PDHX: variants seen among roughly 807,000 people sequenced by gnomAD.
PDHX encodes the protein pyruvate dehydrogenase protein X component, mitochondrial.
PDHX carries 33 observed loss-of-function variants against 55.3 expected under a neutral mutation model. The ratio of observed to expected loss-of-function variants is 0.60; its 90% confidence interval spans 0.45 to 0.80. The LOEUF is 0.80. Among genes scored for constraint, PDHX ranks in the 30% least tolerant of loss-of-function variants. The probability of loss-of-function intolerance (pLI) is 0.00; values close to 1 mark genes in which losing one functional copy is unlikely to be tolerated. For synonymous variants in PDHX, 226 were observed against 219.4 expected, an observed-to-expected ratio of 1.03 and a Z score of -0.27; for missense variants, 622 against 619.9, an observed-to-expected ratio of 1.00 and a Z score of -0.04.
intron 3 of PDHX, among the ~76,000 whole-genome samples, chr11:34,951,351 G>A (rs992880718): frequency 6.6e-6 from 1 of 152,032 alleles, no homozygotes; most frequent in Admixed American, 6.5e-5. Flanking sequence ...GAGCCACCGC[G>A]CCCGGCCTGT....
rs80254215 is a variant in PDHX at position 34,988,985 on chromosome 11, A to C, written c.1183-3330A>C. Among the ~76,000 whole-genome samples the C allele has an allele frequency of 3.3e-3, 508 of 152,348 alleles. 4 individuals carry two copies. The highest frequency in any genetic ancestry group is 0.012 in the African/African-American group (490 of 41,578). ...ATGAGTAGGAAAAAATAGTACAGTC[A>C]TGCATCACAGCAGGGATACATTCTG... On this transcript the variant is annotated intron_variant, in intron 9 of 10. Coordinates refer to ENST00000227868, the MANE Select transcript of PDHX (RefSeq NM_003477.3).
rs1855817773 is a variant in PDHX at position 34,994,468 on chromosome 11, T to G, written c.1248-446T>G. 3.3e-5 allele frequency among the ~76,000 whole-genome samples: 5 copies of G among 152,314 alleles called. No homozygotes were observed. In the South Asian group the frequency reaches 6.2e-4, roughly 19 times the overall value. On this transcript the variant is annotated intron_variant, in intron 10 of 10. Transcript: ENST00000227868. ...TGCTTAGGACATCACTATACACTACTGTAGACTTTATAAACACTGCACACT... is the reference window on the plus strand; with the variant it reads ...TGCTTAGGACATCACTATACACTACGGTAGACTTTATAAACACTGCACACT...
chr11:34,916,430 G>T, upstream of PDHX: 1 of 1,487,674 alleles, frequency 6.7e-7, no homozygotes, highest in Non-Finnish European at 8.9e-7. Context: ...CGGGGGCCGG[G>T]GTCTGGTAAG....
intron 1 of PDHX, among the ~76,000 whole-genome samples, chr11:34,921,028 C>T (rs745345924): frequency 6.6e-5 from 10 of 152,150 alleles, no homozygotes; most frequent in Non-Finnish European, 1.2e-4. Context: ...TGCCAAAACA[C>T]GGATACTCTT....
At chr11:34,944,245 G>A (rs1333688766) in intron 2 of PDHX, among the ~76,000 whole-genome samples, 1 of 151,784 alleles carries the variant, frequency 6.6e-6, no homozygotes, top group Non-Finnish European at 1.5e-5. Flanking sequence ...TCAACCTCCC[G>A]AGTAGCTGGG....
chr11:34,935,115 G>T (rs1854278777), intron 2 of PDHX, among the ~76,000 whole-genome samples: 1 of 151,938 alleles, frequency 6.6e-6, no homozygotes, highest in South Asian at 2.1e-4. Context: ...AAAGGTATAT[G>T]TGGCTTCATT....
intron 3 of PDHX, among the ~76,000 whole-genome samples, chr11:34,948,949 C>A (rs1016579348): frequency 3.9e-5 from 6 of 152,140 alleles, no homozygotes; most frequent in Non-Finnish European, 8.8e-5. Flanking sequence ...TAGCATTTTT[C>A]CACTTAGCTG....
At position 34,916,672 on chromosome 11, in the gene PDHX, G is replaced by T; in HGVS notation, c.17G>T (p.Arg6Met). 1.9e-6 allele frequency: 3 copies of T among 1,610,868 alleles called. No homozygotes were observed. The highest frequency in any genetic ancestry group is 2.5e-6 in the Non-Finnish European group (3 of 1,180,002). The change falls in exon 1 of 11, where the codon AGG becomes ATG. Residue 6 changes from arginine (R) to methionine (M), a missense_variant. Arg to Met is a moderately conservative substitution (Grantham distance 91). Transcript: ENST00000227868. The part of the protein sequence containing the change: MAASW[R>M]LGCDPRLLRY... ...GCCGTCAAGATGGCGGCCTCCTGGA[G>T]GCTGGGCTGTGATCCGCGGCTGCTG...
chr11:34,930,882 T>A (rs1261075161), intron 1 of PDHX, among the ~76,000 whole-genome samples: 1 of 152,230 alleles, frequency 6.6e-6, no homozygotes. Context: ...TAGGAACCTT[T>A]GAATCTTGAA....
At chr11:34,948,175 A>G (rs76490921) in intron 3 of PDHX, among the ~76,000 whole-genome samples, 3,848 of 152,354 alleles carry the variant, frequency 0.025, 90 homozygotes, top group Middle Eastern at 0.082. Context: ...TTGAGAGAGT[A>G]CATATATGCT....
chr11:34,937,511 A>G (rs60632777), intron 2 of PDHX, among the ~76,000 whole-genome samples: 27,079 of 150,606 alleles, frequency 0.18, 3,367 homozygotes, highest in African/African-American at 0.36. Flanking sequence ...ATCAGATTAA[A>G]ATTTGAATAT....
chr11:34,974,518 G>A (rs188736956), intron 7 of PDHX, among the ~76,000 whole-genome samples: 1 of 152,124 alleles, frequency 6.6e-6, no homozygotes, highest in East Asian at 1.9e-4. Context: ...AAATATTTTA[G>A]GTATATCCCC....
rs75337986 is a variant in PDHX, at chr11:34,939,572, A to C, written c.242-7934A>C. ...TGCAAAGAAAAAACTCTGGCCCAGGAATCATGGTTTTTCCTTTGGGGTTCC... is the reference window on the plus strand; with the variant it reads ...TGCAAAGAAAAAACTCTGGCCCAGGCATCATGGTTTTTCCTTTGGGGTTCC... On this transcript the variant is annotated intron_variant, in intron 2 of 10. Transcript: ENST00000227868. Among the ~76,000 whole-genome samples the C allele has an allele frequency of 8.0e-3, 1,220 of 152,200 alleles. 19 individuals carry two copies. Among genetic ancestry groups the C allele is most frequent in the African/African-American group, 0.028 (1,172 of 41,506 alleles).
intron 5 of PDHX, among the ~76,000 whole-genome samples, chr11:34,963,185 TGTC>T (rs745934446): frequency 6.6e-6 from 1 of 152,202 alleles, no homozygotes; most frequent in African/African-American, 2.4e-5. Context: ...TTTAGCCTAA[TGTC>T]GTCTTCTGCT....
At chr11:34,917,833 G>A (rs1853772756) in intron 1 of PDHX, among the ~76,000 whole-genome samples, 1 of 152,194 alleles carries the variant, frequency 6.6e-6, no homozygotes, top group Non-Finnish European at 1.5e-5. Context: ...AGTGTGTGCA[G>A]AATTCCTTCT....
At chr11:34,976,949 A>T (rs1439617629) in intron 7 of PDHX, among the ~76,000 whole-genome samples, 4 of 152,154 alleles carry the variant, frequency 2.6e-5, no homozygotes, top group Non-Finnish European at 5.9e-5. Context: ...TGTACAAACC[A>T]AATCTTTCTA....
chr11:34,945,501 C>G (rs920895439), intron 2 of PDHX, among the ~76,000 whole-genome samples: 3 of 152,194 alleles, frequency 2.0e-5, no homozygotes, highest in Middle Eastern at 3.4e-3. Context: ...TGGCAGCATA[C>G]AAAATTCTAG....
At chr11:34,994,876 G>A (rs769120543) in intron 10 of PDHX, 38 bp from the exon 11 acceptor site, 2 of 1,612,602 alleles carry the variant, frequency 1.2e-6, no homozygotes, top group Non-Finnish European at 1.7e-6. Flanking sequence ...CTTTGATTAA[G>A]GACATGCCTC....
intron 5 of PDHX, among the ~76,000 whole-genome samples, chr11:34,964,621 A>T (rs1379128409): frequency 1.3e-5 from 2 of 152,076 alleles, no homozygotes; most frequent in African/African-American, 4.8e-5. Flanking sequence ...AAAAAAATAA[A>T]ATCAGCAATA....
Sources: allele counts gnomAD v4.1 joint callset (sites outside exome capture counted in the v4.1 genomes callset), GRCh38; gene constraint gnomAD v4.1.1; transcripts MANE v1.5; gene names NCBI Gene and HGNC (gene_info 2026-07-23, HGNC 2026-07-21).